CSMD1: variants seen among roughly 807,000 people sequenced by gnomAD.
CSMD1 encodes the protein CUB and Sushi multiple domains 1.
In CSMD1, 213 loss-of-function variants were observed where a neutral mutation model predicts 417.5. The observed-to-expected ratio is 0.51, with a 90% CI of 0.46 to 0.57. CSMD1 has a LOEUF of 0.57. CSMD1 is among the 20% of genes least tolerant of loss of function. The pLI is 0.00. For missense variants in CSMD1, 6,923 were observed against 4,529.7 expected, an observed-to-expected ratio of 1.53 and a Z score of -15.17; for synonymous variants, 2,862 against 1,736.8, an observed-to-expected ratio of 1.65 and a Z score of -16.11.
At chr8:3,942,485 A>G (rs1810950047) in intron 5 of CSMD1, among the ~76,000 whole-genome samples, 2 of 152,144 alleles carry the variant, frequency 1.3e-5, no homozygotes, top group African/African-American at 4.8e-5. Flanking sequence ...AGATGCCTGG[A>G]TGAGCAATTT....
chr8:3,792,772 G>T (rs1252102047), intron 5 of CSMD1, among the ~76,000 whole-genome samples: 1 of 152,130 alleles, frequency 6.6e-6, no homozygotes, highest in African/African-American at 2.4e-5. Context: ...GCCTTTTCAT[G>T]CTCTCTCTCA....
intron 1 of CSMD1, among the ~76,000 whole-genome samples, chr8:4,867,569 C>G (rs1210905290): frequency 6.6e-6 from 1 of 152,002 alleles, no homozygotes; most frequent in African/African-American, 2.4e-5. Context: ...CCAGAGCAGC[C>G]ATAATTTCGC....
chr8:4,069,791 A>G (rs192780088), intron 3 of CSMD1, among the ~76,000 whole-genome samples: 2 of 152,302 alleles, frequency 1.3e-5, no homozygotes, highest in East Asian at 1.9e-4. Flanking sequence ...TTGGTGTTAA[A>G]CACGTAATTA....
chr8:4,530,193 A>G (rs915619944), intron 2 of CSMD1, among the ~76,000 whole-genome samples: 8 of 151,840 alleles, frequency 5.3e-5, no homozygotes, highest in Non-Finnish European at 8.8e-5. Flanking sequence ...GATTACAGGC[A>G]CGAGCCACCG....
intron 49 of CSMD1, among the ~76,000 whole-genome samples, chr8:3,065,671 C>T (rs1327319597): frequency 6.6e-6 from 1 of 152,008 alleles, no homozygotes; most frequent in Non-Finnish European, 1.5e-5. Context: ...TGATCAATCG[C>T]TAGGTTGATT....
intron 54 of CSMD1, among the ~76,000 whole-genome samples, chr8:2,979,736 G>T (rs934695799): frequency 6.6e-5 from 10 of 152,308 alleles, no homozygotes; most frequent in African/African-American, 2.4e-4. Context: ...GGCTTACAGT[G>T]TTCCCTTTTA....
chr8:3,302,436 C>T (rs1008518559), intron 25 of CSMD1, among the ~76,000 whole-genome samples: 5 of 152,160 alleles, frequency 3.3e-5, no homozygotes, highest in South Asian at 2.1e-4. Context: ...ATGTTCCCAC[C>T]TCAGCTATTT....
At chr8:4,934,709 T>C (rs765661254) in intron 1 of CSMD1, among the ~76,000 whole-genome samples, 2 of 152,200 alleles carry the variant, frequency 1.3e-5, no homozygotes, top group Non-Finnish European at 2.9e-5. Flanking sequence ...AATCTATCAA[T>C]CAGTTTTCAT....
At chr8:4,402,877 C>A (rs1055402028) in intron 3 of CSMD1, among the ~76,000 whole-genome samples, 5 of 132,914 alleles carry the variant, frequency 3.8e-5, no homozygotes, top group Admixed American at 3.6e-4. Context: ...TGGAGTGCAG[C>A]GGCGCAATCT....
chr8:3,477,468 G>A (rs1408635117), intron 11 of CSMD1, among the ~76,000 whole-genome samples: 1 of 152,190 alleles, frequency 6.6e-6, no homozygotes, highest in African/African-American at 2.4e-5. Context: ...GCCTTAATTG[G>A]GTAGACACAG....
rs900012196 is a variant in CSMD1, at chr8:4,325,307, C to T, written c.415+94646G>A. On this transcript the variant is annotated intron_variant, in intron 3 of 69. Coordinates refer to ENST00000635120, the MANE Select transcript of CSMD1 (RefSeq NM_033225.6). Reference sequence around the variant, plus strand: ...AGTATTCCATTAATTAAATGGCAACCTAGCAAGAAACCAGTAGTTGGAGGT... The same window carrying T: ...AGTATTCCATTAATTAAATGGCAACTTAGCAAGAAACCAGTAGTTGGAGGT... 2.6e-5 allele frequency among the ~76,000 whole-genome samples: 4 copies of T among 152,140 alleles called. No individual in the cohort carries two copies. The South Asian group carries it at 6.2e-4, about 24-fold the overall frequency.
At chr8:3,080,766 G>A (rs1585298988) in intron 49 of CSMD1, among the ~76,000 whole-genome samples, 2 of 152,130 alleles carry the variant, frequency 1.3e-5, no homozygotes, top group South Asian at 2.1e-4. Flanking sequence ...ATTCTGGGAC[G>A]TAGATATCAA....
At chr8:3,937,759 T>C (rs1810606841) in intron 5 of CSMD1, among the ~76,000 whole-genome samples, 1 of 152,134 alleles carries the variant, frequency 6.6e-6, no homozygotes, top group Non-Finnish European at 1.5e-5. Flanking sequence ...GATTAAGATG[T>C]AATATATTTT....
At chr8:4,200,203 T>G (rs528145193) in intron 3 of CSMD1, among the ~76,000 whole-genome samples, 67 of 152,342 alleles carry the variant, frequency 4.4e-4, no homozygotes, top group Non-Finnish European at 8.2e-4. Flanking sequence ...AGTTAAATGT[T>G]ATGTTATGAA....
intron 1 of CSMD1, among the ~76,000 whole-genome samples, chr8:4,960,919 TG>T (rs1809433821): frequency 6.6e-6 from 1 of 152,196 alleles, no homozygotes; most frequent in African/African-American, 2.4e-5. Context: ...ACAATGCATG[TG>T]GCTGTTACTT....
chr8:4,327,033 T>C (rs186040954), intron 3 of CSMD1, among the ~76,000 whole-genome samples: 66 of 152,118 alleles, frequency 4.3e-4, no homozygotes, highest in Middle Eastern at 3.4e-3. Context: ...AGAAGGTCAG[T>C]GGTATGGATT....
At chr8:4,223,713 A>T (rs576093081) in intron 3 of CSMD1, among the ~76,000 whole-genome samples, 16 of 152,302 alleles carry the variant, frequency 1.1e-4, no homozygotes, top group Non-Finnish European at 2.2e-4. Flanking sequence ...TTTTTTTGTT[A>T]TCTGAAAAAT....
intron 5 of CSMD1, among the ~76,000 whole-genome samples, chr8:3,862,848 C>A (rs1051130775): frequency 1.7e-4 from 26 of 152,158 alleles, no homozygotes; most frequent in African/African-American, 5.8e-4. Context: ...GTGTCAAAAT[C>A]TCTTGGTCAT....
chr8:4,764,837 C>G (rs1201736391), intron 1 of CSMD1, among the ~76,000 whole-genome samples: 10 of 122,850 alleles, frequency 8.1e-5, no homozygotes, highest in Non-Finnish European at 1.5e-4. Flanking sequence ...CGCGCCACTG[C>G]ACTCCAGCCT....
Sources: allele counts gnomAD v4.1 joint callset (sites outside exome capture counted in the v4.1 genomes callset), GRCh38; gene constraint gnomAD v4.1.1; transcripts MANE v1.5; gene names NCBI Gene and HGNC (gene_info 2026-07-23, HGNC 2026-07-21).